VEPH1: variants seen among roughly 807,000 people sequenced by gnomAD.
The protein encoded by VEPH1 is ventricular zone expressed PH domain containing 1, also known as ventricular zone-expressed PH domain-containing protein homolog 1.
In VEPH1, 80 loss-of-function variants were observed where a neutral mutation model predicts 85.2. That is an observed-to-expected ratio of 0.94 (90% CI 0.78 to 1.13). The LOEUF (loss-of-function observed/expected upper bound fraction) is 1.13. Among genes scored for constraint, VEPH1 ranks in the 50% most tolerant of loss-of-function variants. The pLI, the probability that VEPH1 is intolerant of heterozygous loss-of-function variation, is 0.00. For synonymous variants in VEPH1, 297 were observed against 348.0 expected, an observed-to-expected ratio of 0.85 and a Z score of 1.63; for missense variants, 955 against 980.5, an observed-to-expected ratio of 0.97 and a Z score of 0.35.
At chr3:157,438,055 A>ACC in intron 4 of VEPH1, 1 of 737,022 alleles carries the variant, frequency 1.4e-6, no homozygotes, top group Non-Finnish European at 2.1e-6. Context: ...ACACACACAC[A>ACC]CACACACACA....
At chr3:157,282,420 G>A (rs1038561048) in intron 12 of VEPH1, among the ~76,000 whole-genome samples, 1 of 152,156 alleles carries the variant, frequency 6.6e-6, no homozygotes, top group African/African-American at 2.4e-5. Flanking sequence ...TTCTAAAGAT[G>A]AATCATGATA....
intron 6 of VEPH1, among the ~76,000 whole-genome samples, chr3:157,402,499 T>C (rs1730856737): frequency 6.6e-6 from 1 of 152,140 alleles, no homozygotes; most frequent in African/African-American, 2.4e-5. Context: ...AGTAGGAGTT[T>C]AGTCTAATCC....
At chr3:157,350,493 G>T (rs969083158) in intron 9 of VEPH1, among the ~76,000 whole-genome samples, 2 of 152,004 alleles carry the variant, frequency 1.3e-5, no homozygotes, top group African/African-American at 4.8e-5. Flanking sequence ...TAAAGCACAG[G>T]CAACAAAAGC....
chr3:157,369,446 G>A (rs1727234538), intron 7 of VEPH1, among the ~76,000 whole-genome samples: 1 of 152,334 alleles, frequency 6.6e-6, no homozygotes, highest in South Asian at 2.1e-4. Context: ...TCACCGCAAA[G>A]ACTTTCTCTT....
chr3:157,340,560 A>G (rs964140896), intron 9 of VEPH1, among the ~76,000 whole-genome samples: 1 of 152,224 alleles, frequency 6.6e-6, no homozygotes, highest in Non-Finnish European at 1.5e-5. Flanking sequence ...CTGCAGCTCA[A>G]GAAGGCCTAC....
At chr3:157,326,229 A>G (rs1721892553) in intron 9 of VEPH1, among the ~76,000 whole-genome samples, 1 of 152,142 alleles carries the variant, frequency 6.6e-6, no homozygotes, top group South Asian at 2.1e-4. Flanking sequence ...CTCACTAATT[A>G]CCATGTAACA....
chr3:157,398,231 A>G (rs1730562291), intron 6 of VEPH1, among the ~76,000 whole-genome samples: 1 of 152,194 alleles, frequency 6.6e-6, no homozygotes, highest in African/African-American at 2.4e-5. Flanking sequence ...TTGATGGGTC[A>G]GAAAGCACCC....
chr3:157,304,038 T>TATACACACACACACACAC, intron 11 of VEPH1, among the ~76,000 whole-genome samples: 1 of 96,890 alleles, frequency 1.0e-5, no homozygotes, highest in Non-Finnish European at 2.4e-5. Flanking sequence ...TATATATATA[T>TATACACACACACACACAC]ACACACATAC....
intron 9 of VEPH1, among the ~76,000 whole-genome samples, chr3:157,319,812 T>C (rs1456473900): frequency 6.6e-6 from 1 of 152,204 alleles, no homozygotes; most frequent in Non-Finnish European, 1.5e-5. Context: ...CAGCTTTTTA[T>C]ACACAACCCA....
intron 12 of VEPH1, among the ~76,000 whole-genome samples, chr3:157,277,663 G>A (rs1047733407): frequency 6.6e-6 from 1 of 152,088 alleles, no homozygotes; most frequent in Non-Finnish European, 1.5e-5. Context: ...ACCATCACAT[G>A]CTGTATGTTA....
intron 12 of VEPH1, among the ~76,000 whole-genome samples, chr3:157,272,436 TTTCC>T (rs1368814686): frequency 4.3e-5 from 6 of 139,838 alleles, no homozygotes; most frequent in Non-Finnish European, 7.8e-5. Context: ...TCTTTCTTTC[TTTCC>T]TTCTCTCTCT....
At chr3:157,448,090 A>G (rs1734684946) in intron 4 of VEPH1, among the ~76,000 whole-genome samples, 1 of 151,608 alleles carries the variant, frequency 6.6e-6, no homozygotes, top group South Asian at 2.1e-4. Context: ...TATCACATAT[A>G]TTATAACTGT....
At chr3:157,323,655 G>T (rs1197896260) in intron 9 of VEPH1, among the ~76,000 whole-genome samples, 1 of 152,072 alleles carries the variant, frequency 6.6e-6, no homozygotes, top group East Asian at 1.9e-4. Flanking sequence ...TGGGCATGTT[G>T]GATGCTTTTG....
At chr3:157,315,781 A>G (rs1227792331) in intron 10 of VEPH1, 1 of 151,858 alleles carries the variant, frequency 6.6e-6, no homozygotes, top group Admixed American at 6.5e-5. Context: ...GGGCAAAAAA[A>G]CCCATCAAGA....
intron 11 of VEPH1, among the ~76,000 whole-genome samples, chr3:157,308,514 T>C (rs1719761445): frequency 6.6e-6 from 1 of 152,062 alleles, no homozygotes; most frequent in Non-Finnish European, 1.5e-5. Context: ...AAAAGTGGAG[T>C]AATTTAATAA....
chr3:157,447,998 A>G (rs1372913727), intron 4 of VEPH1, among the ~76,000 whole-genome samples: 1 of 152,032 alleles, frequency 6.6e-6, no homozygotes, highest in Non-Finnish European at 1.5e-5. Flanking sequence ...GATGATAGAA[A>G]TCATGGTAAC....
At chr3:157,358,460 A>G (rs950904593) in intron 9 of VEPH1, among the ~76,000 whole-genome samples, 12 of 152,204 alleles carry the variant, frequency 7.9e-5, no homozygotes, top group Non-Finnish European at 1.8e-4. Context: ...AAATTTTACA[A>G]CTTCAATTCA....
intron 4 of VEPH1, 34 bp from the exon 5 acceptor site, chr3:157,428,522 T>C: frequency 6.3e-7 from 1 of 1,597,066 alleles, no homozygotes; most frequent in Non-Finnish European, 8.6e-7. Flanking sequence ...ATGATGACTT[T>C]ATCAGGCCAT....
chr3:157,495,646 A>T (rs1324515447), intron 1 of VEPH1, 140 bp from the exon 2 acceptor site: 3 of 303,374 alleles, frequency 9.9e-6, no homozygotes, highest in Non-Finnish European at 1.7e-5. Flanking sequence ...TGGCTTAATG[A>T]TCTTTAAATG....
Sources: allele counts gnomAD v4.1 joint callset (sites outside exome capture counted in the v4.1 genomes callset), GRCh38; gene constraint gnomAD v4.1.1; transcripts MANE v1.5; gene names NCBI Gene and HGNC (gene_info 2026-07-23, HGNC 2026-07-21).